The following MAGEA11 variants were observed in gnomAD, a reference collection of about 807,000 sequenced individuals.
MAGEA11 encodes the protein MAGE family member A11, also known as melanoma-associated antigen 11.
MAGEA11 carries 1 observed loss-of-function variant against 8.4 expected under a neutral mutation model. The observed-to-expected ratio is 0.12, with a 90% CI of 0.04 to 0.57. The LOEUF (loss-of-function observed/expected upper bound fraction) is 0.57. Among genes scored for constraint, MAGEA11 ranks in the 20% least tolerant of loss-of-function variants. The pLI, the probability that MAGEA11 is intolerant of heterozygous loss-of-function variation, is 0.91. For synonymous variants in MAGEA11, 127 were observed against 119.3 expected (o/e 1.06, Z -0.42); for missense variants, 209 against 317.3 (o/e 0.66, Z 2.59).
chrX:149,707,332 A>G (rs782395238), upstream of MAGEA11, among the ~76,000 whole-genome samples: 7 of 111,891 alleles, frequency 6.3e-5, no homozygotes, highest in South Asian at 2.7e-3. Flanking sequence ...TAGTGAGGTA[A>G]AGGGTAGGCA....
chrX:149,693,327 A>G (rs183083909), intron 1 of MAGEA11, among the ~76,000 whole-genome samples: 252 of 111,758 alleles, frequency 2.3e-3, no homozygotes, highest in Middle Eastern at 4.6e-3. Flanking sequence ...TGTGTGGTCA[A>G]TTTCTTCAGT....
intron 1 of MAGEA11, among the ~76,000 whole-genome samples, chrX:149,692,069 G>T (rs782371921): frequency 8.9e-6 from 1 of 112,450 alleles, no homozygotes; most frequent in South Asian, 3.7e-4. Flanking sequence ...TTTATGATGT[G>T]CATGCAGAAG....
intron 1 of MAGEA11, among the ~76,000 whole-genome samples, chrX:149,695,540 A>T (rs2090327293): frequency 8.9e-6 from 1 of 112,350 alleles, no homozygotes; most frequent in Admixed American, 9.4e-5. Flanking sequence ...CATAAGGAAC[A>T]TTTACAATAC....
chrX:149,702,466 G>A (rs1350927312), intron 1 of MAGEA11, among the ~76,000 whole-genome samples: 1 of 110,535 alleles, frequency 9.0e-6, no homozygotes, highest in Non-Finnish European at 1.9e-5. Context: ...TATTTTGTCT[G>A]GTATTAGCAT....
At chrX:149,705,450 T>C (rs181524508) in intron 1 of MAGEA11, among the ~76,000 whole-genome samples, 8 of 112,520 alleles carry the variant, frequency 7.1e-5, no homozygotes, top group Non-Finnish European at 1.1e-4. Context: ...GAGGCCTCCC[T>C]AGCCATGTGG....
intron 1 of MAGEA11, among the ~76,000 whole-genome samples, chrX:149,691,157 T>C (rs1174006431): frequency 9.0e-6 from 1 of 111,357 alleles, no homozygotes; most frequent in Non-Finnish European, 1.9e-5. Context: ...TGTTTATTGT[T>C]TTGCGATTTT....
chrX:149,708,990 TA>T (rs11422584), upstream of MAGEA11, among the ~76,000 whole-genome samples: 34,968 of 101,254 alleles, frequency 0.35, 5,339 homozygotes, highest in Non-Finnish European at 0.47. Flanking sequence ...CTATATTTTA[TA>T]AAAAAAAAAA....
intron 1 of MAGEA11, among the ~76,000 whole-genome samples, chrX:149,702,229 C>T (rs1052922954): frequency 9.0e-5 from 10 of 111,399 alleles, no homozygotes; most frequent in Admixed American, 9.5e-5. Flanking sequence ...ATAGTCATGG[C>T]GACCTTCTAT....
chrX:149,716,129 G>T lies in MAGEA11; in HGVS notation c.643G>T (p.Glu215Ter). ...TACCTCGCCTGACCTGATAGACCCT[G>T]AGTCCTTTTCCCAAGATATACTACA... ...PSTSPDLIDPESFSQDILHDK... is the reference protein window; with the variant it reads ...PSTSPDLIDP The change falls in exon 5 of 5, where the codon GAG (glutamate) becomes TAG (stop). Residue 215 changes from glutamate to a stop codon, truncating the protein, a stop_gained. Coordinates refer to ENST00000355220, the MANE Select transcript of MAGEA11 (RefSeq NM_005366.5). LOFTEE classifies it low-confidence loss of function (END_TRUNC). The T allele has an allele frequency of 8.3e-7, 1 of 1,212,051 alleles. No individual in the cohort carries two copies. The highest frequency in any genetic ancestry group is 1.1e-6 in the Non-Finnish European group (1 of 895,573).
upstream of MAGEA11, among the ~76,000 whole-genome samples, chrX:149,708,387 A>ACATGT (rs1325996432): frequency 2.7e-5 from 3 of 112,189 alleles, no homozygotes; most frequent in Non-Finnish European, 5.6e-5. Flanking sequence ...ATCTCACAAT[A>ACATGT]TACCCATGTA....
chrX:149,715,006 C>A (rs1472141294), intron 3 of MAGEA11, among the ~76,000 whole-genome samples: 2 of 111,950 alleles, frequency 1.8e-5, no homozygotes, highest in Non-Finnish European at 3.8e-5. Context: ...AGATAGGCAT[C>A]AAGATGGGAA....
chrX:149,694,509 G>T (rs1383797304), intron 1 of MAGEA11, among the ~76,000 whole-genome samples: 1 of 111,667 alleles, frequency 9.0e-6, no homozygotes, highest in Non-Finnish European at 1.9e-5. Context: ...TCTGTGAGTT[G>T]CCTTTTCAAT....
At chrX:149,714,204 G>T in intron 2 of MAGEA11, 1 of 320,781 alleles carries the variant, frequency 3.1e-6, no homozygotes. Context: ...ACCTCATCAC[G>T]GGTGGCCCCA....
intron 1 of MAGEA11, chrX:149,689,050 A>C (rs1452945836): frequency 1.1e-6 from 1 of 912,221 alleles, no homozygotes; most frequent in African/African-American, 2.0e-5. Context: ...CAACTAATTC[A>C]GTAACTATAG....
chrX:149,691,729 T>C (rs1276616462), intron 1 of MAGEA11, among the ~76,000 whole-genome samples: 1 of 112,343 alleles, frequency 8.9e-6, no homozygotes, highest in East Asian at 2.8e-4. Context: ...CTCCTCTTCA[T>C]TATTTTGTTC....
At chrX:149,714,428 G>C in intron 2 of MAGEA11, 53 bp from the exon 3 acceptor site, 1 of 1,186,710 alleles carries the variant, frequency 8.4e-7, no homozygotes, top group South Asian at 1.9e-5. Flanking sequence ...ACAACCACAT[G>C]ATGGGGTGAT....
upstream of MAGEA11, among the ~76,000 whole-genome samples, chrX:149,710,292 G>T: frequency 8.9e-6 from 1 of 112,419 alleles, no homozygotes. Flanking sequence ...CCAGTTCAAA[G>T]AGCACCCAAA....
At chrX:149,705,862 G>T (rs1409052190) in intron 1 of MAGEA11, among the ~76,000 whole-genome samples, 1 of 111,869 alleles carries the variant, frequency 8.9e-6, no homozygotes, top group African/African-American at 3.3e-5. Context: ...CTCCAGAAGA[G>T]GCTGTTGGTG....
At chrX:149,697,464 A>C (rs1265777923) in intron 1 of MAGEA11, among the ~76,000 whole-genome samples, 1 of 110,741 alleles carries the variant, frequency 9.0e-6, no homozygotes, top group Non-Finnish European at 1.9e-5. Context: ...TATGAGTCTG[A>C]GAAGCTAGCA....
Sources: gnomAD v4.1 joint callset for allele counts (sites outside exome capture counted in the v4.1 genomes callset) on GRCh38, gnomAD v4.1.1 for gene constraint, MANE v1.5 for transcripts, NCBI Gene and HGNC (gene_info 2026-07-23, HGNC 2026-07-21) for gene names.